Variants in ACTR3 observed in about 807,000 individuals in gnomAD.
ACTR3 encodes the protein actin-related protein 3.
Under a neutral mutation model 56.8 loss-of-function variants are expected in ACTR3, and 12 were observed. The observed-to-expected ratio is 0.21, with a 90% CI of 0.14 to 0.34. ACTR3 has a LOEUF of 0.34. ACTR3 is among the 10% of genes least tolerant of loss of function. The pLI is 1.00. For synonymous variants in ACTR3, 162 were observed against 167.4 expected (o/e 0.97, Z 0.25); for missense variants, 282 against 512.5 (o/e 0.55, Z 4.34).
At chr2:113,940,702 C>T (rs910933649) in intron 7 of ACTR3, among the ~76,000 whole-genome samples, 6 of 150,070 alleles carry the variant, frequency 4.0e-5, no homozygotes, top group African/African-American at 4.9e-5. Flanking sequence ...GTGGGTTTCA[C>T]GTGTTTTGAA....
chr2:113,905,106 C>T (rs1458238517), intron 1 of ACTR3: 1 of 152,054 alleles, frequency 6.6e-6, no homozygotes, highest in African/African-American at 2.4e-5. Context: ...GTTAGAAAGT[C>T]TCCTGCACTC....
intron 3 of ACTR3, among the ~76,000 whole-genome samples, chr2:113,921,232 GT>G (rs1679501823): frequency 6.7e-6 from 1 of 149,860 alleles, no homozygotes; most frequent in African/African-American, 2.5e-5. Flanking sequence ...CATGTTGGAC[GT>G]TTTTTTCATG....
At chr2:113,894,663 A>G (rs1240319606) in intron 1 of ACTR3, among the ~76,000 whole-genome samples, 2 of 152,232 alleles carry the variant, frequency 1.3e-5, no homozygotes, top group East Asian at 1.9e-4. Context: ...TTTCAGGCTT[A>G]TTGTAAAACA....
Position 113,897,518 on chromosome 2 carries a change from ATTTTTTTT to A in ACTR3, c.44+7214_44+7221del, listed in dbSNP as rs58363370. Among the ~76,000 whole-genome samples, 462 of 98,916 alleles carry A rather than the reference ATTTTTTTT, an allele frequency of 4.7e-3. 7 individuals are homozygous for A. Among genetic ancestry groups the A allele is most frequent in the Admixed American group, 0.038 (315 of 8,202 alleles). 64.9% of individuals were successfully genotyped at this position (98,916 alleles called of 152,430 possible). On this transcript the variant is annotated intron_variant, in intron 1 of 11. Transcript: ENST00000263238. ...GCTTGAATTTGTGTGGCCAGATGTT[ATTTTTTTT>A]TTTTTTTTTTTTTTTTTTGAGGCAG...
intron 6 of ACTR3, among the ~76,000 whole-genome samples, chr2:113,939,213 G>A (rs1459489670): frequency 2.6e-5 from 4 of 151,724 alleles, no homozygotes; most frequent in East Asian, 3.9e-4. Context: ...TAGTAGAGAC[G>A]GGGTTTCACC....
intron 10 of ACTR3, chr2:113,953,639 C>G (rs1680159376): frequency 1.3e-5 from 2 of 152,006 alleles, no homozygotes; most frequent in Admixed American, 1.3e-4. Flanking sequence ...GGCAACCAAA[C>G]AGTTTTGAAA....
chr2:113,908,280 C>T (rs1477948822), intron 1 of ACTR3, among the ~76,000 whole-genome samples: 1 of 146,602 alleles, frequency 6.8e-6, no homozygotes, highest in Admixed American at 6.8e-5. Flanking sequence ...AAAGAAAAAG[C>T]GAGAGAAACT....
upstream of ACTR3, chr2:113,889,939 G>A (rs978925042): frequency 1.9e-6 from 1 of 539,784 alleles, no homozygotes; most frequent in Non-Finnish European, 3.3e-6. Flanking sequence ...TGGCCTGGCC[G>A]GGGCGTCGGC....
chr2:113,902,184 C>CT (rs1030796722), intron 1 of ACTR3, among the ~76,000 whole-genome samples: 1 of 151,702 alleles, frequency 6.6e-6, no homozygotes, highest in Non-Finnish European at 1.5e-5. Context: ...ACAGACTCGC[C>CT]TTTTTTTTGG....
intron 6 of ACTR3, among the ~76,000 whole-genome samples, chr2:113,939,369 G>C (rs1219939169): frequency 6.6e-6 from 1 of 152,170 alleles, no homozygotes; most frequent in Non-Finnish European, 1.5e-5. Context: ...TTTAAATTGA[G>C]AGGGTAAGTT....
chr2:113,904,816 C>G (rs767277836), intron 1 of ACTR3: 3 of 152,168 alleles, frequency 2.0e-5, no homozygotes, highest in African/African-American at 7.2e-5. Context: ...AGTTGAGTCT[C>G]TTTTCATTTA....
chr2:113,929,364 T>C (rs1022586337), intron 4 of ACTR3, among the ~76,000 whole-genome samples: 2 of 151,896 alleles, frequency 1.3e-5, no homozygotes, highest in Non-Finnish European at 2.9e-5. Context: ...GGTCTTGAAC[T>C]CCTGGGCTCC....
chr2:113,909,377 C>T (rs1396139170), intron 1 of ACTR3, among the ~76,000 whole-genome samples: 2 of 152,068 alleles, frequency 1.3e-5, no homozygotes, highest in Non-Finnish European at 2.9e-5. Context: ...AGAATGGGGT[C>T]TTGATCAGTC....
intron 3 of ACTR3, 60 bp downstream of exon 3, chr2:113,917,068 G>A: frequency 1.4e-6 from 2 of 1,449,234 alleles, no homozygotes; most frequent in Non-Finnish European, 1.9e-6. Flanking sequence ...CGATGCTTGT[G>A]CCCTCTGGAA....
chr2:113,951,608 T>C, intron 9 of ACTR3, 37 bp downstream of exon 9: 1 of 1,563,104 alleles, frequency 6.4e-7, no homozygotes, highest in Non-Finnish European at 8.8e-7. Context: ...GGTCTTACTT[T>C]AAAAAAACTT....
At chr2:113,891,865 A>C (rs953400667) in intron 1 of ACTR3, among the ~76,000 whole-genome samples, 6 of 152,066 alleles carry the variant, frequency 3.9e-5, no homozygotes, top group Non-Finnish European at 8.8e-5. Flanking sequence ...TCCTTAATTC[A>C]GTCTCATTTC....
At chr2:113,908,465 A>C (rs746696625) in intron 1 of ACTR3, among the ~76,000 whole-genome samples, 2 of 151,610 alleles carry the variant, frequency 1.3e-5, no homozygotes, top group Admixed American at 6.6e-5. Flanking sequence ...GTTTTAAATA[A>C]ATTTAATATT....
intron 1 of ACTR3, among the ~76,000 whole-genome samples, chr2:113,900,697 A>G (rs887626274): frequency 6.6e-6 from 1 of 152,212 alleles, no homozygotes; most frequent in Admixed American, 6.5e-5. Context: ...ATCACAGGCT[A>G]GTAAATGGTG....
At chr2:113,935,251 ACAGTTC>A (rs1679806307) in intron 6 of ACTR3, among the ~76,000 whole-genome samples, 1 of 151,272 alleles carries the variant, frequency 6.6e-6, no homozygotes, top group Non-Finnish European at 1.5e-5. Flanking sequence ...TTTAGAGTGT[ACAGTTC>A]ATTGATTTTT....
Sources: allele counts gnomAD v4.1 joint callset (sites outside exome capture counted in the v4.1 genomes callset), GRCh38; gene constraint gnomAD v4.1.1; transcripts MANE v1.5; gene names NCBI Gene and HGNC (gene_info 2026-07-23, HGNC 2026-07-21).